Variants in CFAP46 observed in about 807,000 individuals in gnomAD.
CFAP46 encodes cilia- and flagella-associated protein 46.
In CFAP46, 245 loss-of-function variants were observed where a neutral mutation model predicts 325.7. The observed-to-expected ratio is 0.75, with a 90% CI of 0.68 to 0.84. The LOEUF is 0.84. Ranked by LOEUF, CFAP46 falls within the 40% of genes least tolerant of loss-of-function variation. The pLI is 0.00. For synonymous variants in CFAP46, 1,523 were observed against 1,495.9 expected, an observed-to-expected ratio of 1.02 and a Z score of -0.42; for missense variants, 3,346 against 3,543.0, an observed-to-expected ratio of 0.94 and a Z score of 1.41.
rs902553325 is a variant in CFAP46, at chr10:132,876,749, G to A, written c.4362+63C>T. On this transcript the variant is annotated intron_variant, in intron 31 of 57. Transcript: ENST00000368586. The surrounding 1 kb of genome is among the most constrained non-coding windows in gnomAD (Gnocchi z 4.1). ...GTTCACAGTGAAAACTGGACTTGGG[G>A]ACAGGTCAAGGGGACACCATGCTGT... The A allele has an allele frequency of 8.8e-6, 13 of 1,472,030 alleles. No homozygotes were observed. Among genetic ancestry groups the A allele is most frequent in the Admixed American group, 7.1e-5 (3 of 42,182 alleles). 91.2% of individuals were successfully genotyped at this position (1,472,030 alleles called of 1,614,324 possible). A position where few individuals can be genotyped will look rare whatever the true frequency, so the allele number is the denominator to read the frequency against.
intron 50 of CFAP46, among the ~76,000 whole-genome samples, chr10:132,823,355 A>T (rs1427535572): frequency 3.3e-5 from 2 of 60,440 alleles, no homozygotes; most frequent in Non-Finnish European, 6.0e-5. Context: ...GTGTGTGCTG[A>T]GTGCTGATGT....
chr10:132,826,440 G>A (rs373882289), intron 50 of CFAP46, among the ~76,000 whole-genome samples: 1,433 of 78,368 alleles, frequency 0.018, 6 homozygotes, highest in African/African-American at 0.026. Context: ...GACCAGCCAC[G>A]GAGCCAGGCA....
At chr10:132,861,889 C>T (rs546670869) in intron 35 of CFAP46, among the ~76,000 whole-genome samples, 7 of 152,262 alleles carry the variant, frequency 4.6e-5, no homozygotes, top group East Asian at 1.9e-4. Context: ...GGCTACCCGC[C>T]GCCAGAGAGC....
chr10:132,879,831 C>G (rs1849012558), intron 28 of CFAP46, among the ~76,000 whole-genome samples, 200 bp from the exon 29 acceptor site: 2 of 152,174 alleles, frequency 1.3e-5, no homozygotes, highest in South Asian at 4.1e-4. Context: ...TTGGCTGCCC[C>G]CTCACCCCCA....
intron 3 of CFAP46, 74 bp from the exon 4 acceptor site, chr10:132,941,134 G>T: frequency 6.7e-7 from 1 of 1,501,750 alleles, no homozygotes. Flanking sequence ...CGGATGCCAC[G>T]GCTCCCTCAC....
chr10:132,857,776 C>T lies in CFAP46; in HGVS notation c.5388G>A (p.Gln1796=). Reference sequence around the variant, plus strand: ...TTTTTTGTTCTTCATCTTTCTCGTTCTGGGCACGTAACCTTTATAAGACAT... The same window carrying T: ...TTTTTTGTTCTTCATCTTTCTCGTTTTGGGCACGTAACCTTTATAAGACAT... ...ERAKIKRLRA[Q]NEKDEEQKTA... is the part of the protein sequence containing the mutation. Residue 1796 remains glutamine, a synonymous_variant, in exon 39 of 58, where the codon CAG becomes CAA. Transcript: ENST00000368586. 1 of 1,552,732 alleles carries T rather than the reference C, an allele frequency of 6.4e-7. No homozygotes were observed.
chr10:132,925,309 C>T (rs919557104), intron 10 of CFAP46, among the ~76,000 whole-genome samples: 1 of 152,234 alleles, frequency 6.6e-6, no homozygotes, highest in Non-Finnish European at 1.5e-5. Context: ...TCCCACCTCC[C>T]ACAAGCCCTG....
At chr10:132,865,730 T>C (rs1848803298) in intron 35 of CFAP46, among the ~76,000 whole-genome samples, 1 of 152,156 alleles carries the variant, frequency 6.6e-6, no homozygotes, top group Admixed American at 6.5e-5. Context: ...AGAAACTGAC[T>C]ATGGCAGGAG....
At position 132,876,781 on chromosome 10, in the gene CFAP46, G is replaced by C; in HGVS notation, c.4362+31C>G. 6.5e-7 allele frequency: 1 copy of C among 1,539,316 alleles called. No homozygotes were observed. ...CAAGGGGACACCATGCTGTGACCAA[G>C]GTCTTGAGCCTTTTCTTTATGTCAA... On this transcript the variant is annotated intron_variant, in intron 31 of 57. Coordinates refer to ENST00000368586, the MANE Select transcript of CFAP46 (RefSeq NM_001200049.3). The surrounding 1 kb of genome is among the most constrained non-coding windows in gnomAD (Gnocchi z 4.1).
rs7075277 is a variant in CFAP46, at chr10:132,908,518, A to G, written c.2874T>C (p.Cys958=). ...AARDHETTMA[C]AHRALEMGIK... ...TGCCCATCTCCAGAGCCCTGTGAGC[A>G]CAGGCCATGGTGGTCTCATGGTCAC... The change falls in exon 22 of 58, where the codon TGT becomes TGC. Residue 958 remains cysteine (C), a synonymous_variant. Coordinates refer to ENST00000368586, the MANE Select transcript of CFAP46 (RefSeq NM_001200049.3). The G allele has an allele frequency of 0.52, 808,877 of 1,550,140 alleles. 216,544 individuals are homozygous for G. The highest frequency in any genetic ancestry group is 0.8 in the African/African-American group (58,299 of 73,128).
chr10:132,827,619 T>C lies in CFAP46; in HGVS notation c.7117+5739A>G, dbSNP rs1263105437. Among the ~76,000 whole-genome samples, 1 of 152,064 alleles carries C rather than the reference T, an allele frequency of 6.6e-6. No individual in the cohort carries two copies. Among genetic ancestry groups the C allele is most frequent in the Non-Finnish European group, 1.5e-5 (1 of 68,022 alleles). ...TCAGGTTCAACTGACCACAGGGAGC[T>C]GCCTGCATTTAAAGTGAGCAACGTG... On this transcript the variant is annotated intron_variant, in intron 50 of 57. Transcript: ENST00000368586. This position sits in a 1 kb window ranked among gnomAD's most constrained non-coding sequence, Gnocchi z 5.7.
intron 22 of CFAP46, among the ~76,000 whole-genome samples, chr10:132,904,738 A>G (rs563700097): frequency 3.0e-4 from 45 of 152,278 alleles, no homozygotes; most frequent in African/African-American, 8.7e-4. Context: ...CTGTCTTTGT[A>G]GTTTATTTCT....
rs547819303 is a variant in CFAP46, at chr10:132,839,866, C to T, written c.6439-2952G>A. Among the ~76,000 whole-genome samples the T allele has an allele frequency of 3.3e-5, 5 of 152,320 alleles. No individual in the cohort carries two copies. The South Asian group carries it at 6.2e-4, about 19-fold the overall frequency. On this transcript the variant is annotated intron_variant, in intron 44 of 57. Transcript: ENST00000368586. ...ACTACTTCACCCTGACGTGGCGCCC[C>T]TTATAACTGCTGGACTTTATTTGCA... is the stretch of plus-strand genomic sequence containing the variant.
intron 5 of CFAP46, among the ~76,000 whole-genome samples, chr10:132,938,264 C>T (rs890727466): frequency 4.6e-5 from 7 of 152,206 alleles, no homozygotes; most frequent in Non-Finnish European, 7.3e-5. Flanking sequence ...ACGTCTACTG[C>T]GTTACCATTT....
chr10:132,908,664 C>T (rs929264136), intron 21 of CFAP46, 30 bp from the exon 22 acceptor site: 91 of 1,503,816 alleles, frequency 6.1e-5, no homozygotes, highest in Non-Finnish European at 7.0e-5. Flanking sequence ...GAAGGGGCAC[C>T]GTGTTAGCAA....
At chr10:132,900,716 C>T (rs1267966763) in intron 22 of CFAP46, among the ~76,000 whole-genome samples, 1 of 152,240 alleles carries the variant, frequency 6.6e-6, no homozygotes, top group Non-Finnish European at 1.5e-5. Context: ...GTTCAGTTTC[C>T]TGGGTACTGC....
intron 19 of CFAP46, among the ~76,000 whole-genome samples, chr10:132,911,510 C>T (rs564301611): frequency 7.0e-4 from 106 of 152,316 alleles, no homozygotes; most frequent in Non-Finnish European, 5.3e-4. Context: ...CGCCCCACCG[C>T]GGGTGCTCCA....
At chr10:132,872,907 C>T in intron 31 of CFAP46, 83 bp from the exon 32 acceptor site, 11 of 1,470,616 alleles carry the variant, frequency 7.5e-6, no homozygotes, top group Admixed American at 2.0e-5. Flanking sequence ...AGAGAACTCC[C>T]TCCCTCCCCA....
At chr10:132,822,184 A>T (rs1211501016) in intron 50 of CFAP46, among the ~76,000 whole-genome samples, 2 of 66,014 alleles carry the variant, frequency 3.0e-5, no homozygotes, top group African/African-American at 6.5e-5. Flanking sequence ...ATGTGTGCTG[A>T]TGTGTGCACT....
Sources: gnomAD v4.1 joint callset for allele counts (sites outside exome capture counted in the v4.1 genomes callset) on GRCh38, gnomAD v4.1.1 for gene constraint, Gnocchi (gnomAD v3.1) non-coding constraint, MANE v1.5 for transcripts, NCBI Gene and HGNC (gene_info 2026-07-23, HGNC 2026-07-21) for gene names.